Variants in ATXN1 observed in about 807,000 individuals in gnomAD.
ATXN1 encodes ataxin-1.
A neutral mutation model predicts 56.4 loss-of-function variants in ATXN1; 8 were observed. The observed-to-expected ratio is 0.14, with a 90% CI of 0.08 to 0.26. The LOEUF (loss-of-function observed/expected upper bound fraction) is 0.26. ATXN1 is among the 10% of genes least tolerant of loss of function. ATXN1 has a pLI of 1.00. For missense variants in ATXN1, 987 were observed against 1,106.5 expected, an observed-to-expected ratio of 0.89 and a Z score of 1.53; for synonymous variants, 514 against 494.6, an observed-to-expected ratio of 1.04 and a Z score of -0.52.
intron 3 of ATXN1, among the ~76,000 whole-genome samples, chr6:16,605,005 CAA>C (rs1170191118): frequency 1.3e-5 from 2 of 152,094 alleles, no homozygotes; most frequent in African/African-American, 4.8e-5. Context: ...CATATCATAA[CAA>C]GAGAAAGTGT....
chr6:16,435,697 G>A (rs1194079515), intron 6 of ATXN1, among the ~76,000 whole-genome samples: 4 of 152,160 alleles, frequency 2.6e-5, no homozygotes, highest in Admixed American at 1.3e-4. Context: ...GCTGAAGCCA[G>A]CTAAGGAATG....
At chr6:16,598,222 C>G (rs1026582216) in intron 3 of ATXN1, among the ~76,000 whole-genome samples, 2 of 152,176 alleles carry the variant, frequency 1.3e-5, no homozygotes, top group Non-Finnish European at 2.9e-5. Context: ...TGCTACATAG[C>G]TTGTCACAAC....
At chr6:16,689,363 G>C (rs1169884676) in intron 2 of ATXN1, among the ~76,000 whole-genome samples, 1 of 152,000 alleles carries the variant, frequency 6.6e-6, no homozygotes, top group Non-Finnish European at 1.5e-5. Flanking sequence ...GCTCAGGCTA[G>C]AGCGCAGTGG....
At chr6:16,677,023 C>A (rs1307442098) in intron 2 of ATXN1, among the ~76,000 whole-genome samples, 1 of 152,124 alleles carries the variant, frequency 6.6e-6, no homozygotes, top group Non-Finnish European at 1.5e-5. Context: ...CTAGTTAACA[C>A]TTTTTTTAAA....
chr6:16,686,274 T>C (rs1488806998), intron 2 of ATXN1, among the ~76,000 whole-genome samples: 1 of 152,156 alleles, frequency 6.6e-6, no homozygotes, highest in Non-Finnish European at 1.5e-5. Flanking sequence ...AATATACAAC[T>C]TATCCTTCCA....
At chr6:16,338,215 C>T (rs1038752070) in intron 6 of ATXN1, among the ~76,000 whole-genome samples, 1 of 152,106 alleles carries the variant, frequency 6.6e-6, no homozygotes, top group Non-Finnish European at 1.5e-5. Context: ...TAATTTTGGC[C>T]GGGCGTGGTG....
chr6:16,540,859 T>C (rs1407708283), intron 4 of ATXN1, among the ~76,000 whole-genome samples: 1 of 152,224 alleles, frequency 6.6e-6, no homozygotes, highest in African/African-American at 2.4e-5. Context: ...ACCGTGTTCA[T>C]AGAGTGAAGG....
intron 6 of ATXN1, among the ~76,000 whole-genome samples, chr6:16,374,139 A>C (rs1248347530): frequency 4.2e-5 from 3 of 70,950 alleles, no homozygotes. Context: ...GGATATGAGC[A>C]AAAAAAAAAA....
intron 2 of ATXN1, among the ~76,000 whole-genome samples, chr6:16,698,650 TAAA>T (rs11311429): frequency 0.32 from 43,302 of 135,468 alleles, 6,400 homozygotes; most frequent in African/African-American, 0.34. Context: ...CCTCAAAAAT[TAAA>T]AAAAAAAAAA....
At chr6:16,574,956 G>T (rs532467219) in intron 4 of ATXN1, among the ~76,000 whole-genome samples, 1 of 151,762 alleles carries the variant, frequency 6.6e-6, no homozygotes, top group African/African-American at 2.4e-5. Context: ...AAGGGGAGGG[G>T]TCAGTTATTT....
intron 7 of ATXN1, among the ~76,000 whole-genome samples, chr6:16,318,591 G>C (rs899029080): frequency 2.6e-5 from 4 of 152,222 alleles, no homozygotes; most frequent in African/African-American, 9.6e-5. Flanking sequence ...CTTTGGCTGA[G>C]TGTAAGAATC....
At chr6:16,407,404 C>T (rs1207122643) in intron 6 of ATXN1, among the ~76,000 whole-genome samples, 1 of 152,212 alleles carries the variant, frequency 6.6e-6, no homozygotes, top group Non-Finnish European at 1.5e-5. Flanking sequence ...GCTCTTCTTC[C>T]AATGGCACAT....
At chr6:16,337,183 A>C (rs1044092315) in intron 6 of ATXN1, among the ~76,000 whole-genome samples, 1 of 152,180 alleles carries the variant, frequency 6.6e-6, no homozygotes, top group African/African-American at 2.4e-5. Flanking sequence ...TGTCCACATA[A>C]TGGAGGGCCA....
intron 6 of ATXN1, among the ~76,000 whole-genome samples, chr6:16,423,678 C>T (rs923532902): frequency 6.6e-6 from 1 of 152,038 alleles, no homozygotes; most frequent in Admixed American, 6.5e-5. Flanking sequence ...GGATTAACCT[C>T]GGGAGGACAG....
intron 4 of ATXN1, among the ~76,000 whole-genome samples, chr6:16,549,324 GCAGCATCA>G (rs1252510342): frequency 6.6e-6 from 1 of 152,188 alleles, no homozygotes; most frequent in Non-Finnish European, 1.5e-5. Context: ...CAGTAGGGTT[GCAGCATCA>G]CAGCAAACAT....
At chr6:16,424,250 G>A (rs1388696458) in intron 6 of ATXN1, among the ~76,000 whole-genome samples, 1 of 152,174 alleles carries the variant, frequency 6.6e-6, no homozygotes, top group Non-Finnish European at 1.5e-5. Flanking sequence ...AAGAGCTACG[G>A]GTTCAAGGGA....
chr6:16,534,176 T>C (rs1462928143), intron 4 of ATXN1, among the ~76,000 whole-genome samples: 1 of 152,094 alleles, frequency 6.6e-6, no homozygotes, highest in Non-Finnish European at 1.5e-5. Context: ...ATTTGAATCA[T>C]GCACTTTTCC....
At chr6:16,749,108 C>T (rs1237013039) in intron 2 of ATXN1, among the ~76,000 whole-genome samples, 1 of 152,210 alleles carries the variant, frequency 6.6e-6, no homozygotes, top group African/African-American at 2.4e-5. Context: ...CGCACAAAAA[C>T]ACACACATCT....
intron 2 of ATXN1, among the ~76,000 whole-genome samples, chr6:16,707,923 G>A (rs533601177): frequency 2.0e-5 from 3 of 151,988 alleles, no homozygotes; most frequent in Non-Finnish European, 4.4e-5. Context: ...AAAACAAAAA[G>A]TAAAGCCAAG....
Sources: allele counts gnomAD v4.1 joint callset (sites outside exome capture counted in the v4.1 genomes callset), GRCh38; gene constraint gnomAD v4.1.1; transcripts MANE v1.5; gene names NCBI Gene and HGNC (gene_info 2026-07-23, HGNC 2026-07-21).